LUZP2: variants seen among roughly 807,000 people sequenced by gnomAD.
LUZP2 encodes the protein leucine zipper protein 2.
A neutral mutation model predicts 51.6 loss-of-function variants in LUZP2; 52 were observed. That is an observed-to-expected ratio of 1.01 (90% confidence interval 0.81 to 1.27). The LOEUF (loss-of-function observed/expected upper bound fraction) is 1.27. Among genes scored for constraint, LUZP2 ranks in the 50% most tolerant of loss-of-function variants. The pLI, the probability that LUZP2 is intolerant of heterozygous loss-of-function variation, is 0.00. For missense variants in LUZP2, 436 were observed against 395.4 expected (o/e 1.10, Z -0.87); for synonymous variants, 154 against 137.3 (o/e 1.12, Z -0.85).
chr11:24,677,815 C>T (rs1045989385), intron 1 of LUZP2, among the ~76,000 whole-genome samples: 11 of 151,812 alleles, frequency 7.2e-5, no homozygotes, highest in African/African-American at 2.2e-4. Context: ...TTTGGGAGGC[C>T]GAGGCGGGCC....
At chr11:24,861,368 A>G (rs1851736240) in intron 5 of LUZP2, among the ~76,000 whole-genome samples, 1 of 152,340 alleles carries the variant, frequency 6.6e-6, no homozygotes, top group African/African-American at 2.4e-5. Context: ...TAAACAAGCT[A>G]GGAAATGTAA....
chr11:24,685,455 C>T (rs909277405), intron 1 of LUZP2, among the ~76,000 whole-genome samples: 3 of 152,130 alleles, frequency 2.0e-5, no homozygotes, highest in Non-Finnish European at 2.9e-5. Context: ...GAAATGTTAG[C>T]GTGACCCTGC....
At chr11:25,022,804 T>C (rs1857378382) in intron 9 of LUZP2, among the ~76,000 whole-genome samples, 1 of 152,132 alleles carries the variant, frequency 6.6e-6, no homozygotes, top group African/African-American at 2.4e-5. Context: ...ATAGCTCTCA[T>C]TATTTTGAGA....
intron 5 of LUZP2, among the ~76,000 whole-genome samples, chr11:24,901,946 G>A (rs1239400478): frequency 1.3e-5 from 2 of 152,088 alleles, no homozygotes; most frequent in African/African-American, 4.8e-5. Flanking sequence ...AAGTAAACAT[G>A]ATAAACAGAA....
intron 1 of LUZP2, among the ~76,000 whole-genome samples, chr11:24,570,836 G>A (rs2036752): frequency 0.42 from 63,114 of 151,512 alleles, 13,610 homozygotes; most frequent in African/African-American, 0.51. Context: ...ATGAATAAAT[G>A]CTTTTAAAGT....
intron 1 of LUZP2, among the ~76,000 whole-genome samples, chr11:24,636,669 T>C (rs1855117059): frequency 6.6e-6 from 1 of 152,196 alleles, no homozygotes; most frequent in East Asian, 1.9e-4. Flanking sequence ...GTAACATGAA[T>C]CCAGCCCACA....
In LUZP2 at chr11:24,737,353, G is replaced by A. The variant is rs539286142; in HGVS notation, c.252-868G>A. Among the ~76,000 whole-genome samples, 5 of 152,122 alleles carry A rather than the reference G, an allele frequency of 3.3e-5. No individual in the cohort carries two copies. In the South Asian group the frequency reaches 8.3e-4, roughly 25 times the overall value. On this transcript the variant is annotated intron_variant, in intron 3 of 11. Transcript: ENST00000336930. The stretch of plus-strand genomic sequence containing the variant: ...AGATTGGAAGTTTTAAATTAGTTTA[G>A]GTGCTGGTAAGACTCAAATAGGTTT...
chr11:24,654,565 C>T (rs374478633), intron 1 of LUZP2, among the ~76,000 whole-genome samples: 3 of 152,130 alleles, frequency 2.0e-5, no homozygotes, highest in African/African-American at 4.8e-5. Flanking sequence ...CACAGTGGCG[C>T]GATCTCTGCT....
intron 1 of LUZP2, among the ~76,000 whole-genome samples, chr11:24,711,996 A>T (rs2133932916): frequency 6.6e-6 from 1 of 152,318 alleles, no homozygotes; most frequent in South Asian, 2.1e-4. Context: ...ACTCTGATTG[A>T]TGTATTATTT....
At chr11:24,539,431 A>C (rs1252425056) in intron 1 of LUZP2, among the ~76,000 whole-genome samples, 1 of 151,986 alleles carries the variant, frequency 6.6e-6, no homozygotes, top group African/African-American at 2.4e-5. Flanking sequence ...AATTATAATA[A>C]CTAAAATCCA....
At chr11:24,873,668 G>T (rs1442159276) in intron 5 of LUZP2, among the ~76,000 whole-genome samples, 1 of 128,330 alleles carries the variant, frequency 7.8e-6, no homozygotes, top group Non-Finnish European at 1.8e-5. Context: ...TTGAGGCCAT[G>T]CTCTCACACT....
chr11:25,071,561 C>G (rs1167194482), intron 10 of LUZP2, among the ~76,000 whole-genome samples: 2 of 151,722 alleles, frequency 1.3e-5, no homozygotes, highest in East Asian at 3.9e-4. Context: ...AAATTGCTTT[C>G]TATTTGAAGT....
intron 1 of LUZP2, among the ~76,000 whole-genome samples, chr11:24,590,807 A>C (rs1016117629): frequency 6.6e-6 from 1 of 152,188 alleles, no homozygotes. Context: ...TCTTGTCCTT[A>C]CCTTCCCTTA....
chr11:24,626,787 A>G (rs1167270956), intron 1 of LUZP2, among the ~76,000 whole-genome samples: 4 of 152,172 alleles, frequency 2.6e-5, no homozygotes, highest in Non-Finnish European at 5.9e-5. Flanking sequence ...CCTGATCAAC[A>G]TTAAACTAAT....
intron 5 of LUZP2, among the ~76,000 whole-genome samples, chr11:24,788,351 A>T (rs1849307927): frequency 6.6e-6 from 1 of 151,562 alleles, no homozygotes; most frequent in Non-Finnish European, 1.5e-5. Context: ...CACCATACCC[A>T]GCTAATTTTT....
chr11:24,735,028 A>C (rs1345890003), intron 3 of LUZP2, among the ~76,000 whole-genome samples: 1 of 151,958 alleles, frequency 6.6e-6, no homozygotes, highest in Non-Finnish European at 1.5e-5. Flanking sequence ...CCAATCAATT[A>C]GTGTCTCCCT....
chr11:24,884,216 C>A (rs1590687137), intron 5 of LUZP2, among the ~76,000 whole-genome samples: 1 of 151,930 alleles, frequency 6.6e-6, no homozygotes, highest in Non-Finnish European at 1.5e-5. Flanking sequence ...TTGAAAGTTA[C>A]ATGCATCTGG....
chr11:24,962,036 G>A (rs868091357), intron 7 of LUZP2, among the ~76,000 whole-genome samples: 1 of 151,612 alleles, frequency 6.6e-6, no homozygotes, highest in Non-Finnish European at 1.5e-5. Context: ...TGAAATTCTG[G>A]GTTGAAAATT....
At chr11:25,013,736 A>T (rs1857048097) in intron 9 of LUZP2, among the ~76,000 whole-genome samples, 1 of 151,648 alleles carries the variant, frequency 6.6e-6, no homozygotes. Context: ...CATTAACTGT[A>T]TTTATTTATT....
Sources: allele counts gnomAD v4.1 joint callset (sites outside exome capture counted in the v4.1 genomes callset), GRCh38; gene constraint gnomAD v4.1.1; transcripts MANE v1.5; gene names NCBI Gene and HGNC (gene_info 2026-07-23, HGNC 2026-07-21).